ARMH4: variants seen among roughly 807,000 people sequenced by gnomAD.
ARMH4 encodes armadillo like helical domain containing 4.
In ARMH4, 49 loss-of-function variants were observed where a neutral mutation model predicts 61.9. The observed-to-expected ratio is 0.79, with a 90% CI of 0.63 to 1.00. The LOEUF (loss-of-function observed/expected upper bound fraction) is 1.00. Among genes scored for constraint, ARMH4 ranks in the 50% least tolerant of loss-of-function variants. The pLI is 0.00. For missense variants in ARMH4, 934 were observed against 930.0 expected (o/e 1.00, Z -0.06); for synonymous variants, 368 against 341.5 (o/e 1.08, Z -0.85).
intron 5 of ARMH4, among the ~76,000 whole-genome samples, chr14:58,015,067 G>A (rs1466622820): frequency 1.3e-5 from 2 of 152,178 alleles, no homozygotes; most frequent in East Asian, 1.9e-4. Context: ...CTTGTGTACT[G>A]TAGGAAGCTC....
intron 5 of ARMH4, among the ~76,000 whole-genome samples, chr14:58,021,999 T>G (rs1445885010): frequency 6.6e-6 from 1 of 152,048 alleles, no homozygotes; most frequent in East Asian, 1.9e-4. Flanking sequence ...ACCACAAACA[T>G]AGTGGAATAA....
intron 5 of ARMH4, among the ~76,000 whole-genome samples, chr14:58,042,627 CA>C (rs1188139089): frequency 2.6e-5 from 4 of 151,918 alleles, no homozygotes; most frequent in East Asian, 1.9e-4. Flanking sequence ...GATAGAGACA[CA>C]AAAAAACCTT....
intron 1 of ARMH4, among the ~76,000 whole-genome samples, chr14:58,139,770 G>T (rs1887468753): frequency 6.6e-6 from 1 of 152,220 alleles, no homozygotes; most frequent in African/African-American, 2.4e-5. Context: ...TGTAGAAATA[G>T]CAACATGTCC....
At chr14:58,097,464 A>C (rs1566578373) in intron 4 of ARMH4, among the ~76,000 whole-genome samples, 1 of 152,136 alleles carries the variant, frequency 6.6e-6, no homozygotes, top group Non-Finnish European at 1.5e-5. Flanking sequence ...ACTCACAAAA[A>C]TGGTAAGTGA....
chr14:58,079,160 T>C (rs1217753613), intron 5 of ARMH4, among the ~76,000 whole-genome samples: 1 of 152,232 alleles, frequency 6.6e-6, no homozygotes, highest in African/African-American at 2.4e-5. Context: ...ATGTAAAGTA[T>C]ATCAAGTGCT....
intron 1 of ARMH4, among the ~76,000 whole-genome samples, chr14:58,140,620 G>C (rs1022180614): frequency 6.6e-6 from 1 of 151,420 alleles, no homozygotes; most frequent in Non-Finnish European, 1.5e-5. Flanking sequence ...ATAAAAGAGG[G>C]CCGGGTGCAG....
chr14:58,090,475 T>G (rs991971372), intron 5 of ARMH4, among the ~76,000 whole-genome samples: 1 of 152,070 alleles, frequency 6.6e-6, no homozygotes, highest in African/African-American at 2.4e-5. Context: ...TGTGATCACA[T>G]TCTCCTTGCC....
chr14:58,125,929 C>T (rs548062647), intron 4 of ARMH4, among the ~76,000 whole-genome samples: 5 of 152,078 alleles, frequency 3.3e-5, no homozygotes, highest in South Asian at 2.1e-4. Context: ...AGCTCACACC[C>T]GACCAGTCAG....
intron 4 of ARMH4, among the ~76,000 whole-genome samples, chr14:58,112,534 T>C (rs1886388184): frequency 6.6e-6 from 1 of 152,178 alleles, no homozygotes; most frequent in African/African-American, 2.4e-5. Context: ...TGTCCTCTCT[T>C]CTTACTCCAT....
At chr14:58,133,753 G>A (rs1332505332) in intron 2 of ARMH4, among the ~76,000 whole-genome samples, 1 of 152,152 alleles carries the variant, frequency 6.6e-6, no homozygotes, top group East Asian at 1.9e-4. Context: ...TTTCTGGAGG[G>A]TCAAGGGAAG....
chr14:58,012,195 T>C (rs1298789958), intron 5 of ARMH4, 45 bp from the exon 6 acceptor site: 5 of 1,145,916 alleles, frequency 4.4e-6, no homozygotes, highest in Non-Finnish European at 6.3e-6. Context: ...CATCTTTTAC[T>C]TATAATTCAT....
At chr14:58,100,221 T>C (rs1169226046) in intron 4 of ARMH4, among the ~76,000 whole-genome samples, 1 of 152,102 alleles carries the variant, frequency 6.6e-6, no homozygotes, top group Non-Finnish European at 1.5e-5. Context: ...TGTTGGTGGT[T>C]TGAGGTGAGA....
Position 58,138,907 on chromosome 14 carries a change from G to T in ARMH4, c.452C>A (p.Ala151Glu). 2 of 1,614,214 alleles carry T rather than the reference G, an allele frequency of 1.2e-6. No homozygotes were observed. Among genetic ancestry groups the T allele is most frequent in the African/African-American group, 1.3e-5 (1 of 75,054 alleles). Residue 151 changes from alanine (A) to glutamate (E), a missense_variant, in exon 2 of 8, where the codon GCG (alanine) becomes GAG (glutamate). Ala to Glu is a moderately radical substitution (Grantham distance 107). Transcript: ENST00000267485. The stretch of plus-strand genomic sequence containing the variant: ...TTCATCAACAGTCAGAGAAGGAGTC[G>T]CAGTGATAGCAATGGTTAACATGGC... ...AKAMLTIAITATPSLTVDEKE... is the reference protein window; with the variant it reads ...AKAMLTIAITETPSLTVDEKE...
At chr14:58,027,876 A>C (rs531190644) in intron 5 of ARMH4, among the ~76,000 whole-genome samples, 1 of 152,304 alleles carries the variant, frequency 6.6e-6, no homozygotes, top group African/African-American at 2.4e-5. Context: ...ATTACAGTTA[A>C]TATGCTCAAA....
intron 4 of ARMH4, among the ~76,000 whole-genome samples, chr14:58,126,802 A>ATT (rs34763780): frequency 4.6e-4 from 63 of 137,250 alleles, no homozygotes; most frequent in African/African-American, 9.9e-4. Context: ...TCTCCATTGG[A>ATT]TTTTTTTTTT....
chr14:58,034,027 C>T (rs1417559424), intron 5 of ARMH4, among the ~76,000 whole-genome samples: 5 of 117,110 alleles, frequency 4.3e-5, no homozygotes, highest in South Asian at 2.9e-4. Context: ...GGCAGGCCAA[C>T]GTTCAGATTC....
chr14:58,094,063 G>C (rs576133431), intron 5 of ARMH4, among the ~76,000 whole-genome samples: 1 of 152,142 alleles, frequency 6.6e-6, no homozygotes, highest in African/African-American at 2.4e-5. Context: ...GGCACGGTGG[G>C]TCATGCCTGT....
At chr14:58,066,687 T>C (rs1335981978) in intron 5 of ARMH4, among the ~76,000 whole-genome samples, 3 of 152,204 alleles carry the variant, frequency 2.0e-5, no homozygotes, top group South Asian at 2.1e-4. Flanking sequence ...GGAACGTCAG[T>C]ATGTTCGCTT....
chr14:58,138,528 G>A lies in ARMH4; in HGVS notation c.831C>T (p.Ser277=), dbSNP rs763773836. ...CTGGCTCAACACTCAGGGTGTACTCGGAAGTTTCGAGTGGTTGCTTGGTGG... is the reference window on the plus strand; with the variant it reads ...CTGGCTCAACACTCAGGGTGTACTCAGAAGTTTCGAGTGGTTGCTTGGTGG... The part of the protein sequence containing the change: ...AAATKQPLET[S]EYTLSVEPET... Residue 277 remains serine (S), a synonymous_variant, in exon 2 of 8, where the codon TCC becomes TCT. Transcript: ENST00000267485. 7.3e-5 allele frequency: 118 copies of A among 1,614,058 alleles called. No homozygotes were observed. The highest frequency in any genetic ancestry group is 9.3e-5 in the Non-Finnish European group (110 of 1,180,040).
Sources: gnomAD v4.1 joint callset for allele counts (sites outside exome capture counted in the v4.1 genomes callset) on GRCh38, gnomAD v4.1.1 for gene constraint, MANE v1.5 for transcripts, NCBI Gene and HGNC (gene_info 2026-07-23, HGNC 2026-07-21) for gene names.